Variants in DIP2A observed in about 807,000 individuals in gnomAD.
DIP2A encodes the protein DIP2 acetate--CoA ligase A, also known as disco-interacting protein 2 homolog A.
In DIP2A, 85 loss-of-function variants were observed where a neutral mutation model predicts 177.4. The observed-to-expected ratio is 0.48, with a 90% confidence interval of 0.40 to 0.57. The LOEUF (loss-of-function observed/expected upper bound fraction) is 0.57. Ranked by LOEUF, DIP2A falls within the 20% of genes least tolerant of loss-of-function variation. The probability of loss-of-function intolerance (pLI) is 0.00; values close to 1 mark genes in which losing one functional copy is unlikely to be tolerated. For missense variants in DIP2A, 1,791 were observed against 2,100.2 expected, an observed-to-expected ratio of 0.85 and a Z score of 2.88; for synonymous variants, 886 against 881.8, an observed-to-expected ratio of 1.00 and a Z score of -0.08.
At chr21:46,516,621 T>C (rs548366704) in intron 8 of DIP2A, among the ~76,000 whole-genome samples, 1 of 151,004 alleles carries the variant, frequency 6.6e-6, no homozygotes, top group Admixed American at 6.6e-5. Flanking sequence ...GCCTCCTGAA[T>C]AGCTGGGACT....
chr21:46,488,019 G>A (rs1203440375), intron 2 of DIP2A, among the ~76,000 whole-genome samples: 1 of 152,114 alleles, frequency 6.6e-6, no homozygotes, highest in African/African-American at 2.4e-5. Context: ...AAAGAACACT[G>A]GTGATAAAGG....
In DIP2A at chr21:46,556,094, A is replaced by C; in HGVS notation, c.3498+3A>C. 1 of 1,611,452 alleles carries C rather than the reference A, an allele frequency of 6.2e-7. No homozygotes were observed. The highest frequency in any genetic ancestry group is 8.5e-7 in the Non-Finnish European group (1 of 1,177,568). ...CTGGGATATTAGCGGGAGTGAAGGT[A>C]GGTCCTCTGAAATCTTGTTTGCTTC... is the stretch of plus-strand genomic sequence containing the variant. On this transcript the variant is annotated splice_donor_region_variant and intron_variant, in intron 29 of 37. Coordinates refer to ENST00000417564, the MANE Select transcript of DIP2A (RefSeq NM_015151.4). This position sits in a 1 kb window ranked among gnomAD's most constrained non-coding sequence, Gnocchi z 4.5.
In DIP2A at chr21:46,504,401, G is replaced by A; in HGVS notation, c.696G>A (p.Val232=). ...CTCCTGATGTCACCACGGGCCTCGTGGAGCATTCGTACTTTGAGCGTCCAC... is the reference window on the plus strand; with the variant it reads ...CTCCTGATGTCACCACGGGCCTCGTAGAGCATTCGTACTTTGAGCGTCCAC... ...SAPPDVTTGL[V]EHSYFERPQV... Residue 232 remains valine, a synonymous_variant, in exon 6 of 38, where the codon GTG becomes GTA. Coordinates refer to ENST00000417564, the MANE Select transcript of DIP2A (RefSeq NM_015151.4). The A allele has an allele frequency of 6.2e-7, 1 of 1,613,866 alleles. No homozygotes were observed. The highest frequency in any genetic ancestry group is 8.5e-7 in the Non-Finnish European group (1 of 1,179,838).
the DIP2A span, among the ~76,000 whole-genome samples, chr21:46,578,484 C>T: frequency 6.6e-6 from 1 of 152,142 alleles, no homozygotes; most frequent in African/African-American, 2.4e-5. Context: ...CTAGAACTTC[C>T]AATGTTATGT....
At chr21:46,550,199 C>G in intron 22 of DIP2A, 1 of 753,288 alleles carries the variant, frequency 1.3e-6, no homozygotes, top group Non-Finnish European at 2.0e-6. Flanking sequence ...ATTCACCAGT[C>G]TGTGCAATAT....
intron 21 of DIP2A, among the ~76,000 whole-genome samples, chr21:46,548,177 T>TGC (rs1427348368): frequency 7.0e-6 from 1 of 142,040 alleles, no homozygotes; most frequent in Non-Finnish European, 1.6e-5. Context: ...CTCATGCATG[T>TGC]GTGCGTGTGT....
chr21:46,529,286 A>G (rs1189521972), intron 9 of DIP2A, 103 bp downstream of exon 9: 2 of 777,432 alleles, frequency 2.6e-6, no homozygotes, highest in Non-Finnish European at 2.0e-6. Flanking sequence ...GAATTACAGC[A>G]TTAATACAAG....
chr21:46,565,418 T>C (rs1289175497), intron 35 of DIP2A, among the ~76,000 whole-genome samples: 1 of 152,122 alleles, frequency 6.6e-6, no homozygotes, highest in African/African-American at 2.4e-5. Flanking sequence ...CCAACAATAG[T>C]TGGATGTGAG....
In DIP2A at chr21:46,557,386, C is replaced by T. The variant is rs1318725029; in HGVS notation, c.3630-199C>T. 2 of 699,974 alleles carry T rather than the reference C, an allele frequency of 2.9e-6. No homozygotes were observed. The highest frequency in any genetic ancestry group is 4.6e-6 in the Non-Finnish European group (2 of 430,696). The allele number at this position is 699,974 out of a possible 1,614,324, so 43.4% of individuals were successfully genotyped here. A position where few individuals can be genotyped will look rare whatever the true frequency, so the allele number is the denominator to read the frequency against. ...CCGGATCCTCTCCAAGTGTTCGGAG[C>T]AGAGCTCAGAACCCCGTGCCTGCCA... On this transcript the variant is annotated intron_variant, in intron 30 of 37. Coordinates refer to ENST00000417564, the MANE Select transcript of DIP2A (RefSeq NM_015151.4). The surrounding 1 kb of genome is among the most constrained non-coding windows in gnomAD (Gnocchi z 6.0).
At chr21:46,491,979 C>T (rs66596180) in intron 3 of DIP2A, among the ~76,000 whole-genome samples, 24,251 of 152,070 alleles carry the variant, frequency 0.16, 2,193 homozygotes, top group African/African-American at 0.21. Context: ...GTTTTTAATC[C>T]TGATGAAGTC....
In DIP2A at chr21:46,461,790, T is replaced by C. The variant is rs536324223; in HGVS notation, c.91+2568T>C. Among the ~76,000 whole-genome samples the C allele has an allele frequency of 3.1e-3, 472 of 151,932 alleles. 3 individuals carry two copies. The highest frequency in any genetic ancestry group is 0.011 in the African/African-American group (450 of 41,400). On this transcript the variant is annotated intron_variant, in intron 1 of 37. Coordinates refer to ENST00000417564, the MANE Select transcript of DIP2A (RefSeq NM_015151.4). ...AAAAAAGTATTGAGCCCAGAAATGGTGGCTTAGGCCTGTTATGTTTGCATT... is the reference window on the plus strand; with the variant it reads ...AAAAAAGTATTGAGCCCAGAAATGGCGGCTTAGGCCTGTTATGTTTGCATT...
intron 1 of DIP2A, 124 bp from the exon 2 acceptor site, chr21:46,484,633 A>G: frequency 1.3e-6 from 1 of 792,386 alleles, no homozygotes; most frequent in Non-Finnish European, 1.9e-6. Flanking sequence ...ATTATAGTTT[A>G]TTTGTCCAGA....
chr21:46,510,962 C>A (rs535051107), intron 7 of DIP2A, among the ~76,000 whole-genome samples: 1 of 152,090 alleles, frequency 6.6e-6, no homozygotes, highest in East Asian at 1.9e-4. Context: ...AATTCTTTTT[C>A]TTTGAACATA....
At chr21:46,566,960 G>T (rs527546815) in intron 37 of DIP2A, among the ~76,000 whole-genome samples, 10 of 152,342 alleles carry the variant, frequency 6.6e-5, no homozygotes, top group South Asian at 2.1e-4. Context: ...CCTGTGTTTG[G>T]GTTTGGCTTG....
At chr21:46,554,786 G>GGGGGGGGGGGGGCCCCCCCCCCC in intron 27 of DIP2A, 36 bp from the exon 28 acceptor site, 1 of 1,519,122 alleles carries the variant, frequency 6.6e-7, no homozygotes, top group Non-Finnish European at 8.8e-7. Flanking sequence ...AGCTTGAGAG[G>GGGGGGGGGGGGGCCCCCCCCCCC]CCCCGCCCAC....
intron 3 of DIP2A, among the ~76,000 whole-genome samples, chr21:46,495,158 C>G (rs967366612): frequency 5.3e-5 from 8 of 150,834 alleles, no homozygotes; most frequent in African/African-American, 1.5e-4. Context: ...CCCTCCATCC[C>G]TCCCTCTTTC....
In DIP2A at chr21:46,563,163, G is replaced by A. The variant is rs1045151426; in HGVS notation, c.4090-695G>A. ...GGAAACAGAACAGTCCCACTCCGCC[G>A]GGGAGGGTCTGGCGGTAACCGTAGC... is the stretch of plus-strand genomic sequence containing the variant. On this transcript the variant is annotated intron_variant, in intron 34 of 37. Coordinates refer to ENST00000417564, the MANE Select transcript of DIP2A (RefSeq NM_015151.4). The surrounding 1 kb of genome is among the most constrained non-coding windows in gnomAD (Gnocchi z 4.3). 2.0e-5 allele frequency among the ~76,000 whole-genome samples: 3 copies of A among 152,274 alleles called. No individual in the cohort carries two copies. Among genetic ancestry groups the A allele is most frequent in the African/African-American group, 4.8e-5 (2 of 41,550 alleles).
chr21:46,557,424 C>T lies in DIP2A; in HGVS notation c.3630-161C>T, dbSNP rs1456804308. ...CCCGTGCCTGCCATCCCCCAACCTT[C>T]ACCCTGTGGCATGTTTTCCACCAAA... On this transcript the variant is annotated intron_variant, in intron 30 of 37. Transcript: ENST00000417564. The surrounding 1 kb of genome is among the most constrained non-coding windows in gnomAD (Gnocchi z 6.0). 1.1e-6 allele frequency: 1 copy of T among 919,132 alleles called. No individual in the cohort carries two copies. 56.9% of individuals were successfully genotyped at this position (919,132 alleles called of 1,614,324 possible).
chr21:46,506,789 TTCTTTCTTTCTTC>T (rs2058033441), intron 6 of DIP2A, among the ~76,000 whole-genome samples: 1 of 127,166 alleles, frequency 7.9e-6, no homozygotes, highest in African/African-American at 3.0e-5. Flanking sequence ...TTTCTTTCTT[TTCTTTCTTTCTTC>T]TCTTTTTTTT....
Sources: gnomAD v4.1 joint callset for allele counts (sites outside exome capture counted in the v4.1 genomes callset) on GRCh38, gnomAD v4.1.1 for gene constraint, Gnocchi (gnomAD v3.1) non-coding constraint, MANE v1.5 for transcripts, NCBI Gene and HGNC (gene_info 2026-07-23, HGNC 2026-07-21) for gene names.